Variants in PDE1C observed in about 807,000 individuals in gnomAD.
PDE1C encodes phosphodiesterase 1C.
Under a neutral mutation model 93.1 loss-of-function variants are expected in PDE1C, and 62 were observed. That is an observed-to-expected ratio of 0.67 (90% confidence interval 0.54 to 0.82). The LOEUF (loss-of-function observed/expected upper bound fraction) is 0.82. Ranked by LOEUF, PDE1C falls within the 40% of genes least tolerant of loss-of-function variation. The probability of loss-of-function intolerance (pLI) is 0.00; values close to 1 mark genes in which losing one functional copy is unlikely to be tolerated. For synonymous variants in PDE1C, 325 were observed against 310.1 expected, an observed-to-expected ratio of 1.05 and a Z score of -0.50; for missense variants, 742 against 884.6, an observed-to-expected ratio of 0.84 and a Z score of 2.04.
At chr7:31,966,930 T>C (rs992843643) in intron 2 of PDE1C, among the ~76,000 whole-genome samples, 2 of 151,970 alleles carry the variant, frequency 1.3e-5, no homozygotes, top group Admixed American at 1.3e-4. Context: ...AGACACAACA[T>C]ACCAGAATCT....
intron 2 of PDE1C, among the ~76,000 whole-genome samples, chr7:31,898,020 TTGTGTGTGTGTGTGTGTG>T (rs140101637): frequency 2.0e-4 from 29 of 146,046 alleles, no homozygotes; most frequent in African/African-American, 7.4e-4. Context: ...TTTGGTTTCT[TTGTGTGTGTGTGTGTGTG>T]TGTGTGTGTG....
chr7:32,154,433 G>A (rs1046122971), intron 3 of PDE1C, among the ~76,000 whole-genome samples: 1 of 152,090 alleles, frequency 6.6e-6, no homozygotes, highest in African/African-American at 2.4e-5. Context: ...AGCTCACCCA[G>A]TGATAATATT....
At chr7:31,965,951 G>A (rs899674440) in intron 2 of PDE1C, among the ~76,000 whole-genome samples, 7 of 152,152 alleles carry the variant, frequency 4.6e-5, no homozygotes, top group African/African-American at 1.7e-4. Flanking sequence ...AAGAGCTCCT[G>A]AAGGAAGCAC....
At chr7:32,134,207 T>C (rs533431222) in intron 3 of PDE1C, among the ~76,000 whole-genome samples, 1 of 151,984 alleles carries the variant, frequency 6.6e-6, no homozygotes, top group African/African-American at 2.4e-5. Flanking sequence ...CAGAAGAAGA[T>C]TTAAAAATTG....
intron 16 of PDE1C, among the ~76,000 whole-genome samples, chr7:31,777,968 T>A (rs574128623): frequency 6.6e-6 from 1 of 152,276 alleles, no homozygotes; most frequent in South Asian, 2.1e-4. Flanking sequence ...ACTCAGTTAC[T>A]CCTGAGGTGA....
chr7:32,097,514 T>C (rs1220987083), intron 3 of PDE1C, among the ~76,000 whole-genome samples: 1 of 152,208 alleles, frequency 6.6e-6, no homozygotes, highest in Non-Finnish European at 1.5e-5. Context: ...GCCCACTGAC[T>C]GGCCCTCAAA....
At chr7:31,850,859 C>A (rs1394099133) in intron 7 of PDE1C, 118 bp from the exon 8 acceptor site, 4 of 718,134 alleles carry the variant, frequency 5.6e-6, no homozygotes, top group South Asian at 1.5e-5. Flanking sequence ...TATTGCCAAA[C>A]ACAAGTTTTC....
chr7:32,236,812 T>C (rs573119880), intron 1 of PDE1C, among the ~76,000 whole-genome samples: 2 of 152,146 alleles, frequency 1.3e-5, no homozygotes, highest in Admixed American at 1.3e-4. Flanking sequence ...AAATGAAAAT[T>C]TATAATCACA....
intron 2 of PDE1C, among the ~76,000 whole-genome samples, chr7:32,044,037 TA>T (rs1792190056): frequency 1.3e-5 from 2 of 152,174 alleles, no homozygotes; most frequent in African/African-American, 4.8e-5. Context: ...GCACATTTAA[TA>T]AAGATCTGTC....
At chr7:31,840,382 A>G (rs866459481) in intron 9 of PDE1C, among the ~76,000 whole-genome samples, 1 of 152,180 alleles carries the variant, frequency 6.6e-6, no homozygotes, top group East Asian at 1.9e-4. Context: ...TATGTAAAAC[A>G]TAAGTGTTGT....
At chr7:31,918,949 A>G (rs1255801455) in intron 2 of PDE1C, among the ~76,000 whole-genome samples, 1 of 152,204 alleles carries the variant, frequency 6.6e-6, no homozygotes, top group Non-Finnish European at 1.5e-5. Flanking sequence ...ACTGAATGGC[A>G]TTGCTTTTCT....
At chr7:32,281,086 A>G (rs1320123681) in intron 1 of PDE1C, among the ~76,000 whole-genome samples, 1 of 152,182 alleles carries the variant, frequency 6.6e-6, no homozygotes, top group Non-Finnish European at 1.5e-5. Flanking sequence ...ATCAGTGCAG[A>G]AAAAAATGGG....
chr7:32,060,714 A>AT (rs56982110), intron 1 of PDE1C, among the ~76,000 whole-genome samples: 63,943 of 150,574 alleles, frequency 0.42, 14,983 homozygotes, highest in Non-Finnish European at 0.56. Flanking sequence ...CGATTCTTTC[A>AT]TTTTTTTTTT....
At chr7:31,713,788 A>G in the PDE1C span, among the ~76,000 whole-genome samples, 1 of 152,206 alleles carries the variant, frequency 6.6e-6, no homozygotes, top group Admixed American at 6.5e-5. Context: ...CACTCTCTGA[A>G]GCCACAGCCT....
intron 2 of PDE1C, among the ~76,000 whole-genome samples, chr7:31,921,056 C>T (rs1351940737): frequency 6.6e-6 from 1 of 152,216 alleles, no homozygotes; most frequent in African/African-American, 2.4e-5. Flanking sequence ...ACTCAGGCTA[C>T]TGAAAAATCA....
intron 14 of PDE1C, among the ~76,000 whole-genome samples, chr7:31,821,532 A>G (rs1278286395): frequency 6.6e-6 from 1 of 152,148 alleles, no homozygotes; most frequent in Non-Finnish European, 1.5e-5. Flanking sequence ...AGTAGCTGCC[A>G]TCGCTGCTTG....
chr7:32,340,340 A>C (rs1259165420), intron 1 of PDE1C, among the ~76,000 whole-genome samples: 2 of 151,906 alleles, frequency 1.3e-5, no homozygotes, highest in Non-Finnish European at 2.9e-5. Flanking sequence ...AAAGGAAGAG[A>C]ATAGGGAGTG....
intron 7 of PDE1C, among the ~76,000 whole-genome samples, chr7:31,851,714 G>T (rs531961404): frequency 6.6e-6 from 1 of 152,258 alleles, no homozygotes; most frequent in African/African-American, 2.4e-5. Flanking sequence ...TTATAATTAT[G>T]TAATTAAATA....
intron 2 of PDE1C, among the ~76,000 whole-genome samples, chr7:31,902,469 G>T (rs1258208756): frequency 6.6e-6 from 1 of 151,712 alleles, no homozygotes; most frequent in Non-Finnish European, 1.5e-5. Flanking sequence ...TTGCTGATGG[G>T]TCTATAAATT....
Sources: gnomAD v4.1 joint callset for allele counts (sites outside exome capture counted in the v4.1 genomes callset) on GRCh38, gnomAD v4.1.1 for gene constraint, MANE v1.5 for transcripts, NCBI Gene and HGNC (gene_info 2026-07-23, HGNC 2026-07-21) for gene names.